The following CIMIP2C variants were observed in gnomAD, a reference collection of about 807,000 sequenced individuals.
CIMIP2C encodes the protein ciliary microtubule inner protein 2C.
chr2:26,575,870 T>C, the CIMIP2C span: 1 of 1,603,128 alleles, frequency 6.2e-7, no homozygotes, highest in African/African-American at 1.3e-5. Flanking sequence ...TTCACTGATC[T>C]GTGGCTCCAC....
the CIMIP2C span, chr2:26,572,080 G>A: frequency 6.5e-7 from 1 of 1,539,914 alleles, no homozygotes. Flanking sequence ...AAGCCATTAT[G>A]TTGTACTTTT....
chr2:26,565,574 C>T, the CIMIP2C span, among the ~76,000 whole-genome samples: 2 of 152,102 alleles, frequency 1.3e-5, no homozygotes, highest in Non-Finnish European at 2.9e-5. Context: ...GGAATGGGGT[C>T]GACAGTAAGA....
the CIMIP2C span, among the ~76,000 whole-genome samples, chr2:26,569,540 T>G: frequency 1.3e-5 from 2 of 152,144 alleles, no homozygotes; most frequent in Non-Finnish European, 1.5e-5. Flanking sequence ...TAGTCGCTGG[T>G]TAATCAGTTA....
the CIMIP2C span, among the ~76,000 whole-genome samples, chr2:26,563,816 G>A: frequency 6.6e-6 from 1 of 152,200 alleles, no homozygotes; most frequent in East Asian, 1.9e-4. Flanking sequence ...ATTTCTGGAG[G>A]CTGCATGAGA....
At chr2:26,575,277 C>T in the CIMIP2C span, among the ~76,000 whole-genome samples, 20 of 152,134 alleles carry the variant, frequency 1.3e-4, no homozygotes, top group African/African-American at 4.3e-4. Flanking sequence ...CCTGAACCTA[C>T]GCCTTGCTAC....
At chr2:26,572,169 TC>T in the CIMIP2C span, 1 of 1,525,556 alleles carries the variant, frequency 6.6e-7, no homozygotes, top group South Asian at 1.3e-5. Context: ...CACCCCCATC[TC>T]CCCTCCACCC....
chr2:26,569,568 A>G, the CIMIP2C span, among the ~76,000 whole-genome samples: 2 of 152,144 alleles, frequency 1.3e-5, no homozygotes, highest in African/African-American at 4.8e-5. Flanking sequence ...TGATCATGGG[A>G]TCTCTGATGG....
the CIMIP2C span, among the ~76,000 whole-genome samples, chr2:26,576,488 G>GC: frequency 4.6e-5 from 7 of 152,266 alleles, no homozygotes; most frequent in South Asian, 1.5e-3. Flanking sequence ...CTTACCTTCT[G>GC]CCCCCTGGAG....
the CIMIP2C span, among the ~76,000 whole-genome samples, chr2:26,575,334 A>C: frequency 1.3e-5 from 2 of 152,088 alleles, no homozygotes; most frequent in African/African-American, 4.8e-5. Flanking sequence ...CCCCCCACCC[A>C]CTTCTCATAC....
At chr2:26,572,255 A>AGGTGAATGCTAGTTACAGAAT in the CIMIP2C span, 2 of 1,153,740 alleles carry the variant, frequency 1.7e-6, no homozygotes, top group South Asian at 1.9e-5. Flanking sequence ...TTCTGTAACT[A>AGGTGAATGCTAGTTACAGAAT]GCATTCACCT....
At chr2:26,578,929 T>A in the CIMIP2C span, 1 of 478,320 alleles carries the variant, frequency 2.1e-6, no homozygotes, top group Non-Finnish European at 4.3e-6. Flanking sequence ...TCTTAGAACA[T>A]TTGTTGTGTG....
the CIMIP2C span, chr2:26,579,452 G>A: frequency 1.2e-6 from 2 of 1,610,514 alleles, no homozygotes; most frequent in African/African-American, 1.3e-5. Context: ...TTTTAGTTCA[G>A]AGCAGAGCCT....
the CIMIP2C span, among the ~76,000 whole-genome samples, chr2:26,570,192 G>A: frequency 6.6e-6 from 1 of 152,224 alleles, no homozygotes; most frequent in Non-Finnish European, 1.5e-5. Flanking sequence ...TGGAGAAGCA[G>A]GGAGCAGAGG....
chr2:26,572,151 A>G, the CIMIP2C span: 1 of 1,543,544 alleles, frequency 6.5e-7, no homozygotes, highest in Non-Finnish European at 8.7e-7. Flanking sequence ...AGAGATTCTT[A>G]GTAAGTGCAC....
the CIMIP2C span, among the ~76,000 whole-genome samples, chr2:26,574,952 C>T: frequency 6.6e-6 from 1 of 152,254 alleles, no homozygotes; most frequent in Non-Finnish European, 1.5e-5. Flanking sequence ...GGCACAGGGC[C>T]GTGCTGCTCG....
At chr2:26,579,498 T>A in the CIMIP2C span, 11 of 1,577,502 alleles carry the variant, frequency 7.0e-6, no homozygotes, top group African/African-American at 1.4e-5. Context: ...CAGCCTGGCT[T>A]GCTTGGAATA....
At chr2:26,579,523 G>T in the CIMIP2C span, 8 of 1,502,008 alleles carry the variant, frequency 5.3e-6, no homozygotes, top group African/African-American at 2.8e-5. Flanking sequence ...CTTTAGCCAT[G>T]ACCATGCTAC....
At chr2:26,573,632 C>CCACCAGTTCCA in the CIMIP2C span, among the ~76,000 whole-genome samples, 5 of 152,252 alleles carry the variant, frequency 3.3e-5, no homozygotes, top group African/African-American at 1.2e-4. Context: ...CCTCCGTCTT[C>CCACCAGTTCCA]CCAGTTCCAG....
chr2:26,577,512 A>G, the CIMIP2C span: 1 of 1,613,298 alleles, frequency 6.2e-7, no homozygotes, highest in Admixed American at 1.7e-5. Context: ...TGATTGAACC[A>G]TAGATGGTCC....
Sources: gnomAD v4.1 joint callset for allele counts (sites outside exome capture counted in the v4.1 genomes callset) on GRCh38, gnomAD v4.1.1 for gene constraint, MANE v1.5 for transcripts, NCBI Gene and HGNC (gene_info 2026-07-23, HGNC 2026-07-21) for gene names.